The following OTOG variants were observed in gnomAD, a reference collection of about 807,000 sequenced individuals.
OTOG encodes the protein otogelin.
OTOG carries 296 observed loss-of-function variants against 313.8 expected under a neutral mutation model. The observed-to-expected ratio is 0.94, with a 90% CI of 0.86 to 1.04. The LOEUF is 1.04. Among genes scored for constraint, OTOG ranks in the 50% least tolerant of loss-of-function variants. OTOG has a pLI of 0.00. For missense variants in OTOG, 3,948 were observed against 3,840.1 expected (o/e 1.03, Z -0.74); for synonymous variants, 1,533 against 1,554.9 (o/e 0.99, Z 0.33).
chr11:17,626,946 C>A (rs1853998554), intron 39 of OTOG, among the ~76,000 whole-genome samples: 1 of 152,144 alleles, frequency 6.6e-6, no homozygotes, highest in Non-Finnish European at 1.5e-5. Flanking sequence ...AGAAATGCTA[C>A]TGATTTTTCT....
chr11:17,578,195 C>T (rs1852580891), intron 22 of OTOG, 178 bp from the exon 23 acceptor site: 4 of 1,345,458 alleles, frequency 3.0e-6, no homozygotes, highest in African/African-American at 3.0e-5. Context: ...ACAGACAGCA[C>T]ACATCTACCC....
At chr11:17,644,220 C>T (rs1848029804) in intron 54 of OTOG, among the ~76,000 whole-genome samples, 2 of 152,272 alleles carry the variant, frequency 1.3e-5, no homozygotes, top group Admixed American at 6.5e-5. Flanking sequence ...CTCGGACTGC[C>T]ACTGCTTTGC....
At position 17,610,836 on chromosome 11, in the gene OTOG, A is replaced by T; in HGVS notation, c.5536A>T (p.Ser1846Cys). 6.4e-7 allele frequency: 1 copy of T among 1,550,928 alleles called. No individual in the cohort carries two copies. Among genetic ancestry groups the T allele is most frequent in the South Asian group, 1.2e-5 (1 of 84,044 alleles). The part of the protein sequence containing the change: ...QATTLPAQTL[S>C]PVLPFTPAAM... Reference sequence around the variant, plus strand: ...CACGACTCTGCCTGCTCAGACACTTAGCCCAGTACTGCCTTTCACTCCAGC... The same window carrying T: ...CACGACTCTGCCTGCTCAGACACTTTGCCCAGTACTGCCTTTCACTCCAGC... Residue 1846 changes from serine (S) to cysteine (C), a missense_variant, in exon 36 of 56, where the codon AGC (serine) becomes TGC (cysteine). Physicochemically the swap from Ser to Cys is moderately radical, Grantham distance 112 (BLOSUM62 -1). Transcript: ENST00000399397.
At chr11:17,572,040 C>T (rs1201517719) in intron 17 of OTOG, 40 bp from the exon 18 acceptor site, 1 of 1,549,348 alleles carries the variant, frequency 6.5e-7, no homozygotes, top group Non-Finnish European at 8.7e-7. Context: ...CCTGAGTCCA[C>T]AGGGGCAAGT....
chr11:17,583,843 A>G (rs1197370623), intron 23 of OTOG, among the ~76,000 whole-genome samples: 1 of 151,860 alleles, frequency 6.6e-6, no homozygotes, highest in Non-Finnish European at 1.5e-5. Context: ...ATTTCTACCA[A>G]AAAAAAAGCC....
At position 17,561,825 on chromosome 11, in the gene OTOG, C is replaced by T; in HGVS notation, c.1644+18C>T. The T allele has an allele frequency of 6.5e-7, 1 of 1,549,836 alleles. No individual in the cohort carries two copies. The highest frequency in any genetic ancestry group is 2.4e-5 in the East Asian group (1 of 40,898). ...GTGGCCTGGTAAGAGCTGGGGATCC[C>T]CAGGCCCGATCCACCCAGCTACTCC... is the stretch of plus-strand genomic sequence containing the variant. On this transcript the variant is annotated intron_variant, in intron 15 of 55. Transcript: ENST00000399397.
rs1304878641 is a variant in OTOG at position 17,613,683 on chromosome 11, T to G, written c.6510T>G (p.Ile2170Met). The change falls in exon 39 of 56, where the codon ATT becomes ATG. Residue 2170 changes from isoleucine to methionine, a missense_variant. Physicochemically the swap from Ile to Met is conservative, Grantham distance 10. Coordinates refer to ENST00000399397, the MANE Select transcript of OTOG (RefSeq NM_001292063.2). ...CTCACTTGGCCCATCAGGTCACTAT[T>G]GATCGCTTCAACCGAAAGGTGAGTG... ...NMTHLAHQVT[I>M]DRFNRKVTVD... is the part of the protein sequence containing the mutation. The G allele has an allele frequency of 6.4e-7, 1 of 1,550,704 alleles. No individual in the cohort carries two copies. The highest frequency in any genetic ancestry group is 2.4e-5 in the East Asian group (1 of 40,880).
At chr11:17,579,672 G>A (rs11024327) in intron 23 of OTOG, among the ~76,000 whole-genome samples, 21,663 of 152,204 alleles carry the variant, frequency 0.14, 1,629 homozygotes, top group Non-Finnish European at 0.17. Flanking sequence ...GGCATTTGAA[G>A]AGTATCTTTG....
Position 17,593,940 on chromosome 11 carries a change from A to C in OTOG, c.3289-107A>C, listed in dbSNP as rs1401767031. On this transcript the variant is annotated intron_variant, in intron 27 of 55. Transcript: ENST00000399397. ...TCCCTCTTCAAACTGTGACCTCAGCAGTGGCTTCTAGGTCTATGATAGACT... is the reference window on the plus strand; with the variant it reads ...TCCCTCTTCAAACTGTGACCTCAGCCGTGGCTTCTAGGTCTATGATAGACT... 4.8e-6 allele frequency: 7 copies of C among 1,456,100 alleles called. No homozygotes were observed. In the African/African-American group the frequency reaches 9.9e-5, roughly 21 times the overall value. The allele number at this position is 1,456,100 out of a possible 1,614,324, so 90.2% of individuals were successfully genotyped here.
chr11:17,634,125 C>A lies in OTOG; in HGVS notation c.7324C>A (p.Leu2442Ile). Reference sequence around the variant, plus strand: ...CCTGGGGGAGACCTGGAACAGCTCCCTCAGCGGCTGCTGCCAGCACCAGTG... The same window carrying A: ...CCTGGGGGAGACCTGGAACAGCTCCATCAGCGGCTGCTGCCAGCACCAGTG... ...RALGETWNSSLSGCCQHQCQA... is the reference protein window; with the variant it reads ...RALGETWNSSISGCCQHQCQA... The change falls in exon 44 of 56, where the codon CTC (leucine) becomes ATC (isoleucine). Residue 2442 changes from leucine to isoleucine, a missense_variant. Transcript: ENST00000399397. The A allele has an allele frequency of 6.5e-7, 1 of 1,549,202 alleles. No homozygotes were observed. Among genetic ancestry groups the A allele is most frequent in the Non-Finnish European group, 8.7e-7 (1 of 1,146,940 alleles).
At chr11:17,612,390 C>G (rs79657062) in intron 37 of OTOG, 60 bp downstream of exon 37, 2 of 1,473,658 alleles carry the variant, frequency 1.4e-6, no homozygotes, top group Admixed American at 2.1e-5. Context: ...CCCAGCATGA[C>G]CGCCATCCCT....
At chr11:17,642,088 C>A in intron 52 of OTOG, 39 bp from the exon 53 acceptor site, 1 of 1,521,036 alleles carries the variant, frequency 6.6e-7, no homozygotes, top group South Asian at 1.3e-5. Context: ...GGCTGTCCAT[C>A]TGGCCACAGC....
chr11:17,548,418 CTTTTTTTTTTTTTTTTT>C (rs56402246), intron 3 of OTOG, among the ~76,000 whole-genome samples: 95 of 87,630 alleles, frequency 1.1e-3, no homozygotes, highest in African/African-American at 2.4e-3. Context: ...ATAGTCCACT[CTTTTTTTTTTTTTTTTT>C]TTTTTTTTTT....
chr11:17,577,938 C>G (rs892764684), intron 22 of OTOG, among the ~76,000 whole-genome samples: 1 of 152,162 alleles, frequency 6.6e-6, no homozygotes, highest in African/African-American at 2.4e-5. Flanking sequence ...CCTCTGGCCC[C>G]CTGCCACACT....
intron 39 of OTOG, among the ~76,000 whole-genome samples, chr11:17,628,385 A>G (rs1366995350): frequency 2.0e-5 from 3 of 152,254 alleles, no homozygotes; most frequent in Non-Finnish European, 4.4e-5. Flanking sequence ...CATTATAAAT[A>G]CTTTAAAATC....
Position 17,574,881 on chromosome 11 carries a change from C to A in OTOG, c.2455C>A (p.Leu819Met). Residue 819 changes from leucine to methionine, a missense_variant, in exon 20 of 56, where the codon CTG becomes ATG. Physicochemically the swap from Leu to Met is conservative, Grantham distance 15. Coordinates refer to ENST00000399397, the MANE Select transcript of OTOG (RefSeq NM_001292063.2). Reference sequence around the variant, plus strand: ...CTGTGCCTGCCCACCGGACACCTATCTGGACACCCAGGCTGACCTCTGTGT... The same window carrying A: ...CTGTGCCTGCCCACCGGACACCTATATGGACACCCAGGCTGACCTCTGTGT... ...EGCACPPDTYLDTQADLCVPR... is the reference protein window; with the variant it reads ...EGCACPPDTYMDTQADLCVPR... The A allele has an allele frequency of 6.5e-7, 1 of 1,536,350 alleles. No individual in the cohort carries two copies. The highest frequency in any genetic ancestry group is 8.8e-7 in the Non-Finnish European group (1 of 1,139,126).
Position 17,629,137 on chromosome 11 carries a change from C to T in OTOG, c.6533C>T (p.Thr2178Ile), listed in dbSNP as rs1201901022. The T allele has an allele frequency of 1.7e-5, 26 of 1,550,098 alleles. No individual in the cohort carries two copies. Among genetic ancestry groups the T allele is most frequent in the Non-Finnish European group, 2.1e-5 (24 of 1,146,806 alleles). Residue 2178 changes from threonine (T) to isoleucine (I), a missense_variant, in exon 40 of 56, where the codon ACT (threonine) becomes ATT (isoleucine). Transcript: ENST00000399397. ...VTIDRFNRKV[T>I]VDLQPVWPPV... is the part of the protein sequence containing the mutation. Reference sequence around the variant, plus strand: ...CACACTGAATTCCCTCCCAAGGTGACTGTGGACTTGCAGCCTGTGTGGCCA... The same window carrying T: ...CACACTGAATTCCCTCCCAAGGTGATTGTGGACTTGCAGCCTGTGTGGCCA...
intron 23 of OTOG, among the ~76,000 whole-genome samples, chr11:17,580,379 T>C (rs1174441635): frequency 6.6e-6 from 1 of 152,252 alleles, no homozygotes; most frequent in Non-Finnish European, 1.5e-5. Context: ...TGTGAGCAGA[T>C]AGCATTGTTT....
chr11:17,635,732 T>C lies in OTOG; in HGVS notation c.7795+21T>C, dbSNP rs1260124793. On this transcript the variant is annotated intron_variant, in intron 47 of 55. Transcript: ENST00000399397. ...GTGTGGTGAGTCCTGGCTGGGCACA[T>C]GGCGGGCTGCGGCAGGAAGGGGCCC... The C allele has an allele frequency of 2.6e-6, 4 of 1,540,634 alleles. No individual in the cohort carries two copies. In the Admixed American group the frequency reaches 7.8e-5, roughly 30 times the overall value.
Sources: gnomAD v4.1 joint callset for allele counts (sites outside exome capture counted in the v4.1 genomes callset) on GRCh38, gnomAD v4.1.1 for gene constraint, MANE v1.5 for transcripts, NCBI Gene and HGNC (gene_info 2026-07-23, HGNC 2026-07-21) for gene names.